The following PDS5A variants were observed in gnomAD, a reference collection of about 807,000 sequenced individuals.
PDS5A encodes sister chromatid cohesion protein PDS5 homolog A.
PDS5A carries 42 observed loss-of-function variants against 167.1 expected under a neutral mutation model. The observed-to-expected ratio is 0.25, with a 90% CI of 0.20 to 0.33. The LOEUF is 0.33. PDS5A is among the 10% of genes least tolerant of loss of function. The probability of loss-of-function intolerance (pLI) is 1.00; values close to 1 mark genes in which losing one functional copy is unlikely to be tolerated. For missense variants in PDS5A, 1,033 were observed against 1,605.9 expected, an observed-to-expected ratio of 0.64 and a Z score of 6.10; for synonymous variants, 553 against 554.6, an observed-to-expected ratio of 1.00 and a Z score of 0.04.
chr4:39,964,242 T>C (rs1729767027), intron 2 of PDS5A, among the ~76,000 whole-genome samples: 2 of 152,094 alleles, frequency 1.3e-5, no homozygotes, highest in Admixed American at 6.6e-5. Context: ...GTTTTGCCTG[T>C]AGAAGACAGA....
At chr4:39,856,230 C>T (rs577775661) in intron 26 of PDS5A, among the ~76,000 whole-genome samples, 1 of 152,222 alleles carries the variant, frequency 6.6e-6, no homozygotes, top group East Asian at 1.9e-4. Flanking sequence ...ACCCCAACAA[C>T]TCGTCAACCA....
At chr4:39,829,026 G>A (rs1284723306) in intron 32 of PDS5A, among the ~76,000 whole-genome samples, 1 of 152,234 alleles carries the variant, frequency 6.6e-6, no homozygotes, top group Admixed American at 6.5e-5. Flanking sequence ...CAGCAATCCC[G>A]ATCAGACTCC....
At chr4:39,972,498 C>T (rs1304183721) in intron 2 of PDS5A, among the ~76,000 whole-genome samples, 2 of 151,772 alleles carry the variant, frequency 1.3e-5, no homozygotes, top group African/African-American at 4.8e-5. Flanking sequence ...CCAGCCTGGG[C>T]GACAGGGCGA....
intron 17 of PDS5A, among the ~76,000 whole-genome samples, chr4:39,882,095 T>C (rs188447980): frequency 2.8e-3 from 424 of 152,216 alleles, no homozygotes; most frequent in African/African-American, 9.9e-3. Flanking sequence ...CTTTATAAAT[T>C]ACCCAGTCTG....
chr4:39,969,078 G>C (rs1323725199), intron 2 of PDS5A, among the ~76,000 whole-genome samples: 1 of 152,094 alleles, frequency 6.6e-6, no homozygotes, highest in African/African-American at 2.4e-5. Flanking sequence ...CCAGCTATTT[G>C]TGATTCTTAA....
At chr4:39,973,682 C>A (rs1175437100) in intron 2 of PDS5A, 2 of 1,293,356 alleles carry the variant, frequency 1.5e-6, no homozygotes, top group Non-Finnish European at 2.2e-6. Flanking sequence ...GTAGCTTTAG[C>A]TCAGCGCAAA....
chr4:39,918,917 T>G (rs921735690), intron 7 of PDS5A, among the ~76,000 whole-genome samples: 1 of 151,954 alleles, frequency 6.6e-6, no homozygotes, highest in African/African-American at 2.4e-5. Flanking sequence ...ACATTGAAAA[T>G]AATGAAGAAG....
chr4:39,888,788 G>A (rs896902969), intron 17 of PDS5A, among the ~76,000 whole-genome samples: 4 of 152,136 alleles, frequency 2.6e-5, no homozygotes, highest in Admixed American at 6.6e-5. Context: ...AAGAAGCTGG[G>A]AAGGGTGAGA....
intron 11 of PDS5A, 64 bp from the exon 12 acceptor site, chr4:39,904,255 T>C: frequency 8.4e-7 from 1 of 1,193,794 alleles, no homozygotes; most frequent in Non-Finnish European, 1.2e-6. Context: ...CTCCAAAGAC[T>C]GCCTTGGCTT....
intron 16 of PDS5A, among the ~76,000 whole-genome samples, chr4:39,895,411 T>A (rs1454285868): frequency 6.6e-6 from 1 of 151,812 alleles, no homozygotes; most frequent in Non-Finnish European, 1.5e-5. Flanking sequence ...GGTAAAAATA[T>A]AAAAGATAAA....
At chr4:39,954,610 C>T (rs983017700) in intron 2 of PDS5A, among the ~76,000 whole-genome samples, 7 of 148,890 alleles carry the variant, frequency 4.7e-5, no homozygotes, top group East Asian at 2.0e-4. Flanking sequence ...TGTTAGCCAC[C>T]GTGCCCAGCC....
chr4:39,922,395 T>A (rs995460815), intron 6 of PDS5A, among the ~76,000 whole-genome samples: 3 of 152,212 alleles, frequency 2.0e-5, no homozygotes, highest in Admixed American at 1.3e-4. Context: ...ACATTTTCAG[T>A]TTCCAGAAAA....
intron 2 of PDS5A, among the ~76,000 whole-genome samples, chr4:39,965,986 A>G (rs1385570516): frequency 6.6e-6 from 1 of 152,224 alleles, no homozygotes; most frequent in Non-Finnish European, 1.5e-5. Context: ...TACCTTTTAA[A>G]AAGTTTGTTA....
chr4:39,920,481 A>C, intron 6 of PDS5A, 82 bp from the exon 7 acceptor site: 1 of 537,768 alleles, frequency 1.9e-6, no homozygotes, highest in Non-Finnish European at 3.3e-6. Context: ...TAGTCTTCAA[A>C]TCTGTAATAA....
chr4:39,899,217 T>C (rs1560465424), intron 14 of PDS5A, among the ~76,000 whole-genome samples: 1 of 151,928 alleles, frequency 6.6e-6, no homozygotes, highest in African/African-American at 2.4e-5. Context: ...GAGAAGAAAC[T>C]TTTTTTTCTG....
In PDS5A at chr4:39,845,803, T is replaced by G. The variant is rs780514352; in HGVS notation, c.3402+15A>C. The G allele has an allele frequency of 9.3e-6, 13 of 1,393,628 alleles. No individual in the cohort carries two copies. Among genetic ancestry groups the G allele is most frequent in the African/African-American group, 3.0e-5 (2 of 65,598 alleles). 86.3% of individuals were successfully genotyped at this position (1,393,628 alleles called of 1,614,324 possible). On this transcript the variant is annotated intron_variant, in intron 29 of 32. Transcript: ENST00000303538. ...ACATGAAACAAAGATCTCAAAATTA[T>G]TAAGTAAATAATACCTTTCCTGTTA...
intron 26 of PDS5A, among the ~76,000 whole-genome samples, chr4:39,861,272 G>A (rs771320813): frequency 1.3e-5 from 2 of 151,796 alleles, no homozygotes; most frequent in Non-Finnish European, 2.9e-5. Flanking sequence ...GGCCAACATG[G>A]TAAAACTCCA....
chr4:39,911,835 T>TAAAAA (rs35068853), intron 9 of PDS5A, among the ~76,000 whole-genome samples: 7 of 125,286 alleles, frequency 5.6e-5, no homozygotes, highest in Admixed American at 8.1e-5. Flanking sequence ...CCGTCTCAAT[T>TAAAAA]AAAAAAAAAA....
chr4:39,902,285 T>A (rs558708241), intron 13 of PDS5A, 62 bp downstream of exon 13: 1 of 723,888 alleles, frequency 1.4e-6, no homozygotes, highest in Non-Finnish European at 2.4e-6. Flanking sequence ...ACTAATTAGA[T>A]AAGATGAAGT....
Sources: gnomAD v4.1 joint callset for allele counts (sites outside exome capture counted in the v4.1 genomes callset) on GRCh38, gnomAD v4.1.1 for gene constraint, MANE v1.5 for transcripts, NCBI Gene and HGNC (gene_info 2026-07-23, HGNC 2026-07-21) for gene names.